CYTH1: variants seen among roughly 807,000 people sequenced by gnomAD.
The protein encoded by CYTH1 is cytohesin 1.
A neutral mutation model predicts 61.8 loss-of-function variants in CYTH1; 18 were observed. The observed-to-expected ratio is 0.29, with a 90% CI of 0.20 to 0.43. The LOEUF (loss-of-function observed/expected upper bound fraction) is 0.43, where lower values mean the gene tolerates loss of function less well. Among genes scored for constraint, CYTH1 ranks in the 20% least tolerant of loss-of-function variants. The probability of loss-of-function intolerance (pLI) is 1.00; values close to 1 mark genes in which losing one functional copy is unlikely to be tolerated. For missense variants in CYTH1, 336 were observed against 510.5 expected (o/e 0.66, Z 3.29); for synonymous variants, 174 against 184.3 (o/e 0.94, Z 0.45).
At chr17:78,733,833 C>T (rs941353240) in intron 1 of CYTH1, among the ~76,000 whole-genome samples, 21 of 152,328 alleles carry the variant, frequency 1.4e-4, no homozygotes, top group African/African-American at 5.1e-4. Context: ...AGGGCAAGGC[C>T]CAGGACACAG....
intron 1 of CYTH1, among the ~76,000 whole-genome samples, chr17:78,773,977 A>T (rs942759473): frequency 3.9e-5 from 6 of 152,128 alleles, no homozygotes; most frequent in South Asian, 2.1e-4. Context: ...CAAAATAAAA[A>T]TTTTTTTCAA....
intron 1 of CYTH1, among the ~76,000 whole-genome samples, chr17:78,715,240 GCACACTAAAGATAGCGCAGTGGAACTTT>G (rs1256867457): frequency 6.6e-6 from 1 of 151,990 alleles, no homozygotes; most frequent in Non-Finnish European, 1.5e-5. Context: ...ATAAGAGCCC[GCACACTAAAGATAGCGCAGTGGAACTTT>G]CAAAATTCTA....
chr17:78,771,539 T>C (rs999654233), intron 1 of CYTH1, among the ~76,000 whole-genome samples: 1 of 151,974 alleles, frequency 6.6e-6, no homozygotes, highest in Non-Finnish European at 1.5e-5. Flanking sequence ...GACACCATCC[T>C]GGCCAACACG....
In CYTH1 at chr17:78,700,531, CTTTTT is replaced by C; in HGVS notation, c.438-93_438-89del. 1 of 841,492 alleles carries C rather than the reference CTTTTT, an allele frequency of 1.2e-6. No individual in the cohort carries two copies. The highest frequency in any genetic ancestry group is 3.3e-5 in the Admixed American group (1 of 29,866). The allele number at this position is 841,492 out of a possible 1,614,324, so 52.1% of individuals were successfully genotyped here. On this transcript the variant is annotated intron_variant, in intron 6 of 13. Coordinates refer to ENST00000446868, the MANE Select transcript of CYTH1 (RefSeq NM_004762.6). This position sits in a 1 kb window ranked among gnomAD's most constrained non-coding sequence, Gnocchi z 5.1. ...TTAAACTGCCAATGATTTTTTTTTT[CTTTTT>C]TTTTTTGAGATGGAGTCTCACTCTG...
chr17:78,766,600 A>T (rs978445092), intron 1 of CYTH1, among the ~76,000 whole-genome samples: 1 of 152,200 alleles, frequency 6.6e-6, no homozygotes, highest in Non-Finnish European at 1.5e-5. Flanking sequence ...AAGATTAACA[A>T]TGGCTCTTTC....
rs1006704238 is a variant in CYTH1 at position 78,762,613 on chromosome 17, G to C, written c.22+19589C>G. Reference sequence around the variant, plus strand: ...CAAAAGGGGATTAAGATTGCAGATGGAATTACATCTCCTAATCAGCCAACT... The same window carrying C: ...CAAAAGGGGATTAAGATTGCAGATGCAATTACATCTCCTAATCAGCCAACT... On this transcript the variant is annotated intron_variant, in intron 1 of 13. Coordinates refer to ENST00000446868, the MANE Select transcript of CYTH1 (RefSeq NM_004762.6). Among the ~76,000 whole-genome samples, 5 of 152,172 alleles carry C rather than the reference G, an allele frequency of 3.3e-5. No individual in the cohort carries two copies. The East Asian group carries it at 9.6e-4, about 29-fold the overall frequency.
rs1475848795 is a variant in CYTH1 at position 78,760,498 on chromosome 17, CATATATATGT to C, written c.22+21694_22+21703del. 1.4e-3 allele frequency among the ~76,000 whole-genome samples: 54 copies of C among 39,434 alleles called. 1 individual carries two copies. Among genetic ancestry groups the C allele is most frequent in the African/African-American group, 4.4e-3 (33 of 7,478 alleles). The allele number at this position is 39,434 out of a possible 152,430, so 25.9% of individuals were successfully genotyped here. ...ATATATATGTATGTATATATATATACATATATATGTATATATATGTATATATATATATACA... is the reference window on the plus strand; with the variant it reads ...ATATATATGTATGTATATATATATACATATATATGTATATATATATATACA... On this transcript the variant is annotated intron_variant, in intron 1 of 13. Transcript: ENST00000446868.
chr17:78,709,843 T>C (rs956107416), intron 1 of CYTH1, 111 bp from the exon 2 acceptor site: 1 of 900,980 alleles, frequency 1.1e-6, no homozygotes, highest in African/African-American at 1.7e-5. Flanking sequence ...TAGAAGTCAG[T>C]TTCAGAAATG....
intron 1 of CYTH1, among the ~76,000 whole-genome samples, chr17:78,771,802 G>A (rs1184948991): frequency 6.6e-6 from 1 of 151,456 alleles, no homozygotes; most frequent in Non-Finnish European, 1.5e-5. Context: ...GTATTATCCT[G>A]GCCCTTACTA....
chr17:78,692,421 G>T lies in CYTH1; in HGVS notation c.887C>A (p.Thr296Asn). 6.2e-7 allele frequency: 1 copy of T among 1,614,072 alleles called. No homozygotes were observed. Among genetic ancestry groups the T allele is most frequent in the Non-Finnish European group, 8.5e-7 (1 of 1,180,012 alleles). ...TDNCLYYFEY[T>N]TDKEPRGIIP... ...GGCCGACTAGCAGGTGCTCACCGTG[G>T]TATACTCAAAGTAGTAAAGGCAGTT... Residue 296 changes from threonine (T) to asparagine (N), a missense_variant, in exon 11 of 14, where the codon ACC becomes AAC. Thr to Asn is a moderately conservative substitution (Grantham distance 65). Coordinates refer to ENST00000446868, the MANE Select transcript of CYTH1 (RefSeq NM_004762.6).
intron 7 of CYTH1, among the ~76,000 whole-genome samples, chr17:78,699,376 A>C (rs188637304): frequency 2.9e-3 from 445 of 152,240 alleles, no homozygotes; most frequent in African/African-American, 9.8e-3. Flanking sequence ...AAAAAAAAAA[A>C]AAAACATGTT....
intron 1 of CYTH1, among the ~76,000 whole-genome samples, chr17:78,756,655 T>C (rs2093402417): frequency 6.6e-6 from 1 of 152,120 alleles, no homozygotes; most frequent in African/African-American, 2.4e-5. Context: ...ACTAAATCAT[T>C]ATTTGAGTGG....
chr17:78,773,965 T>C (rs1201624448), intron 1 of CYTH1, among the ~76,000 whole-genome samples: 2 of 152,206 alleles, frequency 1.3e-5, no homozygotes, highest in Non-Finnish European at 2.9e-5. Flanking sequence ...TACACAAATA[T>C]GCAAAATAAA....
intron 11 of CYTH1, among the ~76,000 whole-genome samples, chr17:78,689,480 C>T (rs114813082): frequency 0.013 from 1,984 of 152,204 alleles, 47 homozygotes; most frequent in African/African-American, 0.045. Context: ...AATCTAACGC[C>T]GCCACTGATC....
At chr17:78,773,705 C>T (rs1006858367) in intron 1 of CYTH1, among the ~76,000 whole-genome samples, 6 of 151,312 alleles carry the variant, frequency 4.0e-5, no homozygotes, top group Admixed American at 3.9e-4. Flanking sequence ...CGTAAGGAAA[C>T]ATTTTGTAGT....
Position 78,717,675 on chromosome 17 carries a change from C to T in CYTH1, c.23-7943G>A, listed in dbSNP as rs922882457. 6.6e-6 allele frequency among the ~76,000 whole-genome samples: 1 copy of T among 152,114 alleles called. No individual in the cohort carries two copies. Among genetic ancestry groups the T allele is most frequent in the African/African-American group, 2.4e-5 (1 of 41,408 alleles). ...TAAAATCCTGCAACCCGCGCTCCACCGGCCACAGGCAGATGCCCGGGGATA... is the reference window on the plus strand; with the variant it reads ...TAAAATCCTGCAACCCGCGCTCCACTGGCCACAGGCAGATGCCCGGGGATA... On this transcript the variant is annotated intron_variant, in intron 1 of 13. Transcript: ENST00000446868. The surrounding 1 kb of genome is among the most constrained non-coding windows in gnomAD (Gnocchi z 4.4).
chr17:78,776,801 G>A (rs1421969825), intron 1 of CYTH1, among the ~76,000 whole-genome samples: 1 of 151,186 alleles, frequency 6.6e-6, no homozygotes, highest in Non-Finnish European at 1.5e-5. Context: ...GGACTCCACA[G>A]TGCCATAAAC....
chr17:78,740,079 G>A (rs1411422634), intron 1 of CYTH1, among the ~76,000 whole-genome samples: 2 of 152,192 alleles, frequency 1.3e-5, no homozygotes, highest in Non-Finnish European at 2.9e-5. Flanking sequence ...GGGATTACAG[G>A]TGCCTGCCAC....
At chr17:78,760,357 A>ATT (rs2093417087) in intron 1 of CYTH1, among the ~76,000 whole-genome samples, 1 of 37,846 alleles carries the variant, frequency 2.6e-5, no homozygotes, top group African/African-American at 8.4e-5. Flanking sequence ...TAGCAGGTTT[A>ATT]TATATATATA....
Sources: allele counts gnomAD v4.1 joint callset (sites outside exome capture counted in the v4.1 genomes callset), GRCh38; gene constraint gnomAD v4.1.1; non-coding constraint Gnocchi (gnomAD v3.1); transcripts MANE v1.5; gene names NCBI Gene and HGNC (gene_info 2026-07-23, HGNC 2026-07-21).